Variants in XXYLT1 observed in about 807,000 individuals in gnomAD.
The protein encoded by XXYLT1 is UDP-xylose:alpha-xyloside alpha-1,3-xylosyltransferase.
XXYLT1 carries 20 observed loss-of-function variants against 28.9 expected under a neutral mutation model. The ratio of observed to expected loss-of-function variants is 0.69; its 90% CI spans 0.49 to 1.00. XXYLT1 has a LOEUF of 1.00. XXYLT1 is among the 50% of genes least tolerant of loss of function. The probability of loss-of-function intolerance (pLI) is 0.00; values close to 1 mark genes in which losing one functional copy is unlikely to be tolerated. For synonymous variants in XXYLT1, 257 were observed against 253.8 expected (o/e 1.01, Z -0.12); for missense variants, 542 against 560.1 (o/e 0.97, Z 0.33).
intron 2 of XXYLT1, among the ~76,000 whole-genome samples, chr3:195,204,500 T>TCTCTCTCTCTCTCC: frequency 6.6e-6 from 1 of 151,844 alleles, no homozygotes; most frequent in African/African-American, 2.4e-5. Flanking sequence ...TCTCTCTCTC[T>TCTCTCTCTCTCTCC]CTCTCAGTGG....
At position 195,257,238 on chromosome 3, in the gene XXYLT1, C is replaced by G. The variant is rs969410097; in HGVS notation, c.504+13317G>C. ...GCTGCACTCACACCCCACTGCCCAC[C>G]GTGTTGGCATCCAGCTCCTCCAGTG... On this transcript the variant is annotated intron_variant, in intron 1 of 3. Coordinates refer to ENST00000310380, the MANE Select transcript of XXYLT1 (RefSeq NM_152531.5). The surrounding 1 kb of genome is among the most constrained non-coding windows in gnomAD (Gnocchi z 4.3). 2.6e-5 allele frequency among the ~76,000 whole-genome samples: 4 copies of G among 152,182 alleles called. No individual in the cohort carries two copies. The highest frequency in any genetic ancestry group is 4.4e-5 in the Non-Finnish European group (3 of 68,028).
chr3:195,202,302 C>T (rs921363656), intron 2 of XXYLT1, among the ~76,000 whole-genome samples: 1 of 145,700 alleles, frequency 6.9e-6, no homozygotes, highest in Non-Finnish European at 1.5e-5. Context: ...CCCAGTCACA[C>T]AGAAACAAAA....
At chr3:195,258,529 C>T (rs1725562716) in intron 1 of XXYLT1, among the ~76,000 whole-genome samples, 1 of 151,512 alleles carries the variant, frequency 6.6e-6, no homozygotes, top group African/African-American at 2.4e-5. Flanking sequence ...AACTAAGGAA[C>T]GTTCATAGAG....
intron 2 of XXYLT1, among the ~76,000 whole-genome samples, chr3:195,163,132 GAGAAGCTGT>G (rs1378957926): frequency 6.6e-6 from 1 of 152,126 alleles, no homozygotes; most frequent in Non-Finnish European, 1.5e-5. Flanking sequence ...ACCCCTGGGG[GAGAAGCTGT>G]AGAAAGCAAT....
chr3:195,180,301 TGGG>T lies in XXYLT1; in HGVS notation c.653-23723_653-23721del, dbSNP rs911413611. ...GTTACAGGAAAGGTCCCTTCCATCCTGGGGACCCAACTCATGAGGGCCCAGAAG... is the reference window on the plus strand; with the variant it reads ...GTTACAGGAAAGGTCCCTTCCATCCTGACCCAACTCATGAGGGCCCAGAAG... On this transcript the variant is annotated intron_variant, in intron 2 of 3. Coordinates refer to ENST00000310380, the MANE Select transcript of XXYLT1 (RefSeq NM_152531.5). The surrounding 1 kb of genome is among the most constrained non-coding windows in gnomAD (Gnocchi z 5.8). 3.8e-5 allele frequency: 37 copies of T among 984,340 alleles called. No homozygotes were observed. The highest frequency in any genetic ancestry group is 4.2e-5 in the Non-Finnish European group (35 of 829,092). 61.0% of individuals were successfully genotyped at this position (984,340 alleles called of 1,614,324 possible).
intron 1 of XXYLT1, among the ~76,000 whole-genome samples, chr3:195,232,466 G>A (rs540819682): frequency 2.6e-4 from 40 of 151,986 alleles, no homozygotes; most frequent in African/African-American, 6.0e-4. Context: ...GTTCTAAGAC[G>A]CATCATTAGG....
At chr3:195,090,070 T>C (rs1393217788) in intron 3 of XXYLT1, among the ~76,000 whole-genome samples, 1 of 149,502 alleles carries the variant, frequency 6.7e-6, no homozygotes, top group Non-Finnish European at 1.5e-5. Flanking sequence ...TCCCACACAT[T>C]AATAATGGGA....
chr3:195,162,222 T>C (rs1243070317), intron 2 of XXYLT1, among the ~76,000 whole-genome samples: 1 of 152,188 alleles, frequency 6.6e-6, no homozygotes, highest in Admixed American at 6.5e-5. Context: ...GCCTGGTGCC[T>C]GCTTTTCACT....
chr3:195,228,448 C>T (rs1202510859), intron 1 of XXYLT1, among the ~76,000 whole-genome samples: 3 of 150,488 alleles, frequency 2.0e-5, no homozygotes, highest in Non-Finnish European at 3.0e-5. Flanking sequence ...ACCGTCTGCT[C>T]TTCCCTACTG....
At chr3:195,187,708 A>G (rs942679818) in intron 2 of XXYLT1, among the ~76,000 whole-genome samples, 1 of 152,162 alleles carries the variant, frequency 6.6e-6, no homozygotes, top group African/African-American at 2.4e-5. Flanking sequence ...AACTTTTTTC[A>G]TTTGCAGCTA....
chr3:195,150,359 T>G lies in XXYLT1; in HGVS notation c.785+6090A>C, dbSNP rs1720131234. 6.6e-6 allele frequency among the ~76,000 whole-genome samples: 1 copy of G among 152,166 alleles called. No homozygotes were observed. The highest frequency in any genetic ancestry group is 2.1e-4 in the South Asian group (1 of 4,834). On this transcript the variant is annotated intron_variant, in intron 3 of 3. Coordinates refer to ENST00000310380, the MANE Select transcript of XXYLT1 (RefSeq NM_152531.5). The surrounding 1 kb of genome is among the most constrained non-coding windows in gnomAD (Gnocchi z 4.7). ...ACACCCTCCCTTCTTCCCTCTGTGC[T>G]GGCGCTCACTCCCTCCCCAACACTC...
chr3:195,082,794 G>A (rs1191434888), intron 3 of XXYLT1, among the ~76,000 whole-genome samples: 2 of 151,750 alleles, frequency 1.3e-5, no homozygotes, highest in East Asian at 1.9e-4. Flanking sequence ...AGGTTGCAGT[G>A]AGCCGAGATC....
intron 3 of XXYLT1, among the ~76,000 whole-genome samples, chr3:195,141,711 C>A (rs1245437403): frequency 6.6e-6 from 1 of 152,208 alleles, no homozygotes. Flanking sequence ...CCAGCCAATG[C>A]TCTGGGAATC....
At chr3:195,123,152 A>G (rs1718449306) in intron 3 of XXYLT1, among the ~76,000 whole-genome samples, 1 of 152,054 alleles carries the variant, frequency 6.6e-6, no homozygotes, top group Non-Finnish European at 1.5e-5. Flanking sequence ...ATTTTTAGGT[A>G]TCTTCAATGT....
At chr3:195,088,256 C>T (rs1271050227) in intron 3 of XXYLT1, among the ~76,000 whole-genome samples, 16 of 151,164 alleles carry the variant, frequency 1.1e-4, no homozygotes, top group Non-Finnish European at 2.1e-4. Context: ...AAAAAGACAG[C>T]AGTAACCTCT....
At chr3:195,143,812 A>ATATATTTTTTTTTTTTTTTTTTT in intron 3 of XXYLT1, among the ~76,000 whole-genome samples, 1 of 94,864 alleles carries the variant, frequency 1.1e-5, no homozygotes, top group South Asian at 4.4e-4. Context: ...ATAGATATAT[A>ATATATTTTTTTTTTTTTTTTTTT]TAGATATAGA....
chr3:195,116,218 T>A (rs1261737653), intron 3 of XXYLT1, among the ~76,000 whole-genome samples: 4 of 152,190 alleles, frequency 2.6e-5, no homozygotes, highest in Admixed American at 1.3e-4. Flanking sequence ...CTGGATCTAC[T>A]GACACATCTA....
chr3:195,149,898 C>T (rs1024057004), intron 3 of XXYLT1, among the ~76,000 whole-genome samples: 3 of 152,168 alleles, frequency 2.0e-5, no homozygotes, highest in African/African-American at 4.8e-5. Flanking sequence ...TAGCTAGCTG[C>T]GAGGAAGCCG....
chr3:195,165,301 C>A lies in XXYLT1; in HGVS notation c.653-8720G>T, dbSNP rs180856270. The stretch of plus-strand genomic sequence containing the variant: ...ACAGGGTTTCCTCAGCCTCCTCCAG[C>A]CAACTACGGCGGAAGCACCAACAAC... On this transcript the variant is annotated intron_variant, in intron 2 of 3. Coordinates refer to ENST00000310380, the MANE Select transcript of XXYLT1 (RefSeq NM_152531.5). Among the ~76,000 whole-genome samples the A allele has an allele frequency of 2.0e-4, 31 of 152,254 alleles. No individual in the cohort carries two copies. The East Asian group carries it at 4.8e-3, about 24-fold the overall frequency.
Sources: allele counts gnomAD v4.1 joint callset (sites outside exome capture counted in the v4.1 genomes callset), GRCh38; gene constraint gnomAD v4.1.1; non-coding constraint Gnocchi (gnomAD v3.1); transcripts MANE v1.5; gene names NCBI Gene and HGNC (gene_info 2026-07-23, HGNC 2026-07-21).